The following KIAA1549L variants were observed in gnomAD, a reference collection of about 807,000 sequenced individuals.
The protein encoded by KIAA1549L is UPF0606 protein KIAA1549L.
A neutral mutation model predicts 160.7 loss-of-function variants in KIAA1549L; 88 were observed. The ratio of observed to expected loss-of-function variants is 0.55; its 90% CI spans 0.46 to 0.65. The LOEUF (loss-of-function observed/expected upper bound fraction) is 0.65, where lower values mean the gene tolerates loss of function less well. Among genes scored for constraint, KIAA1549L ranks in the 30% least tolerant of loss-of-function variants. The pLI, the probability that KIAA1549L is intolerant of heterozygous loss-of-function variation, is 0.00. For missense variants in KIAA1549L, 2,258 were observed against 2,437.5 expected (o/e 0.93, Z 1.55); for synonymous variants, 950 against 976.7 (o/e 0.97, Z 0.51).
chr11:33,422,535 C>T (rs1268758246), intron 1 of KIAA1549L, among the ~76,000 whole-genome samples: 1 of 90,294 alleles, frequency 1.1e-5, no homozygotes, highest in Non-Finnish European at 2.1e-5. Flanking sequence ...TTCCCCCTTT[C>T]CCCCCTCCCC....
At chr11:33,410,096 G>A (rs982421306) in intron 1 of KIAA1549L, among the ~76,000 whole-genome samples, 2 of 151,986 alleles carry the variant, frequency 1.3e-5, no homozygotes, top group Non-Finnish European at 2.9e-5. Flanking sequence ...GTTAGATTTG[G>A]AGTGTGGACC....
chr11:33,659,983 C>G (rs1852204976), intron 19 of KIAA1549L, among the ~76,000 whole-genome samples: 1 of 152,256 alleles, frequency 6.6e-6, no homozygotes, highest in South Asian at 2.1e-4. Context: ...GAGTCCTCCT[C>G]TGCTTCCCTA....
At chr11:33,553,507 G>T (rs1227954008) in intron 6 of KIAA1549L, among the ~76,000 whole-genome samples, 2 of 152,216 alleles carry the variant, frequency 1.3e-5, no homozygotes, top group Non-Finnish European at 2.9e-5. Context: ...CCAATATGAT[G>T]TAGAAAGCAT....
intron 1 of KIAA1549L, among the ~76,000 whole-genome samples, chr11:33,379,657 C>T (rs1032732571): frequency 3.3e-5 from 5 of 152,172 alleles, no homozygotes; most frequent in Non-Finnish European, 5.9e-5. Context: ...CATCTGTTCA[C>T]GGGCAGCTAC....
At chr11:33,579,062 A>G (rs1371873581) in intron 10 of KIAA1549L, among the ~76,000 whole-genome samples, 1 of 152,164 alleles carries the variant, frequency 6.6e-6, no homozygotes, top group Non-Finnish European at 1.5e-5. Context: ...AGCCTTTGAA[A>G]TAAGGTAACC....
chr11:33,416,060 CCAAT>C (rs1850882358), intron 1 of KIAA1549L, among the ~76,000 whole-genome samples: 1 of 152,008 alleles, frequency 6.6e-6, no homozygotes, highest in African/African-American at 2.4e-5. Context: ...AACCAACCAA[CCAAT>C]AAAAAGGCTC....
At chr11:33,401,363 A>C (rs1850497679) in intron 1 of KIAA1549L, among the ~76,000 whole-genome samples, 1 of 148,822 alleles carries the variant, frequency 6.7e-6, no homozygotes, top group African/African-American at 2.4e-5. Context: ...ATCATATTTT[A>C]TATCTATTAT....
intron 20 of KIAA1549L, 50 bp downstream of exon 20, chr11:33,661,064 C>T: frequency 1.3e-6 from 2 of 1,515,328 alleles, no homozygotes; most frequent in Non-Finnish European, 1.8e-6. Flanking sequence ...TTAACACATG[C>T]CAAAAAGTAA....
At position 33,588,194 on chromosome 11, in the gene KIAA1549L, G is replaced by T. The variant is rs541804134; in HGVS notation, c.4567-3043G>T. Among the ~76,000 whole-genome samples, 15 of 152,304 alleles carry T rather than the reference G, an allele frequency of 9.8e-5. No homozygotes were observed. In the South Asian group the frequency reaches 2.3e-3, roughly 23 times the overall value. ...TAGTACTGTGCCATTAATATCAAAT[G>T]AAGCTGAAACTGAGCCGCTTGAGGG... On this transcript the variant is annotated intron_variant, in intron 11 of 20. Coordinates refer to ENST00000658780, the MANE Select transcript of KIAA1549L (RefSeq NM_012194.3).
intron 1 of KIAA1549L, among the ~76,000 whole-genome samples, chr11:33,505,045 C>T (rs1468063958): frequency 1.3e-5 from 2 of 152,086 alleles, no homozygotes; most frequent in African/African-American, 4.8e-5. Context: ...GGATTACAGG[C>T]GTGAGCCACC....
At chr11:33,655,986 C>T in intron 17 of KIAA1549L, 26 bp from the exon 18 acceptor site, 6 of 1,541,746 alleles carry the variant, frequency 3.9e-6, no homozygotes, top group Non-Finnish European at 5.4e-6. Flanking sequence ...TAACAACTCT[C>T]CCTGTATTGC....
intron 1 of KIAA1549L, among the ~76,000 whole-genome samples, chr11:33,386,520 A>T (rs1850176409): frequency 6.6e-6 from 1 of 152,088 alleles, no homozygotes; most frequent in African/African-American, 2.4e-5. Flanking sequence ...GTCTCTACTA[A>T]AAACACAAAA....
chr11:33,435,759 GATATATATATATATATAT>G (rs71034686), intron 1 of KIAA1549L, among the ~76,000 whole-genome samples: 1 of 14,992 alleles, frequency 6.7e-5, no homozygotes, highest in Non-Finnish European at 1.1e-4. Context: ...GAACCAATAA[GATATATATATATATATAT>G]ATATATATAT....
intron 1 of KIAA1549L, among the ~76,000 whole-genome samples, chr11:33,408,639 G>A (rs915425231): frequency 6.6e-6 from 1 of 151,414 alleles, no homozygotes; most frequent in African/African-American, 2.4e-5. Flanking sequence ...TGTCCAAAGT[G>A]ATATAGACTT....
In KIAA1549L at chr11:33,517,015, G is replaced by A. The variant is rs534515677; in HGVS notation, c.239-24787G>A. Among the ~76,000 whole-genome samples the A allele has an allele frequency of 9.2e-5, 14 of 152,212 alleles. No individual in the cohort carries two copies. In the South Asian group the frequency reaches 2.1e-3, roughly 23 times the overall value. Reference sequence around the variant, plus strand: ...GAGTGAGGTCGCATCTTCAATTCACGTTTCTCATTTATTTTTACAAATGAC... The same window carrying A: ...GAGTGAGGTCGCATCTTCAATTCACATTTCTCATTTATTTTTACAAATGAC... On this transcript the variant is annotated intron_variant, in intron 1 of 20. Coordinates refer to ENST00000658780, the MANE Select transcript of KIAA1549L (RefSeq NM_012194.3).
intron 1 of KIAA1549L, among the ~76,000 whole-genome samples, chr11:33,476,868 G>A (rs534511594): frequency 2.0e-5 from 3 of 152,240 alleles, no homozygotes; most frequent in East Asian, 1.9e-4. Context: ...AACATCTCTC[G>A]TTTATTTACT....
Position 33,671,611 on chromosome 11 carries a change from C to G in KIAA1549L, c.*3457C>G, listed in dbSNP as rs1370745524. ...ACACACACACACACACACACACACACACACACCCTACTTCGGAGAGAGAAT... is the reference window on the plus strand; with the variant it reads ...ACACACACACACACACACACACACAGACACACCCTACTTCGGAGAGAGAAT... On this transcript the variant is annotated 3_prime_UTR_variant, in exon 21 of 21. Transcript: ENST00000658780. 1 of 152,068 alleles carries G rather than the reference C, an allele frequency of 6.6e-6. No individual in the cohort carries two copies. The highest frequency in any genetic ancestry group is 1.5e-5 in the Non-Finnish European group (1 of 68,018). The allele number at this position is 152,068 out of a possible 1,614,324, so 9.4% of individuals were successfully genotyped here.
chr11:33,430,270 C>T (rs1015536267), intron 1 of KIAA1549L, among the ~76,000 whole-genome samples: 5 of 138,580 alleles, frequency 3.6e-5, no homozygotes, highest in East Asian at 4.9e-4. Context: ...CCCTCCCTCT[C>T]TCCCTCCACC....
chr11:33,440,594 C>T (rs996810833), intron 1 of KIAA1549L, among the ~76,000 whole-genome samples: 5 of 152,154 alleles, frequency 3.3e-5, no homozygotes, highest in African/African-American at 1.2e-4. Flanking sequence ...CTAAGCCTGG[C>T]TTAACATGAC....
Sources: gnomAD v4.1 joint callset for allele counts (sites outside exome capture counted in the v4.1 genomes callset) on GRCh38, gnomAD v4.1.1 for gene constraint, MANE v1.5 for transcripts, NCBI Gene and HGNC (gene_info 2026-07-23, HGNC 2026-07-21) for gene names.